Variants in SLIT3 observed in about 807,000 individuals in gnomAD.
SLIT3 encodes slit guidance ligand 3.
In SLIT3, 68 loss-of-function variants were observed where a neutral mutation model predicts 184.0. That is an observed-to-expected ratio of 0.37 (90% confidence interval 0.30 to 0.45). The LOEUF is 0.45. Among genes scored for constraint, SLIT3 ranks in the 20% least tolerant of loss-of-function variants. The pLI is 1.00. For missense variants in SLIT3, 1,707 were observed against 2,026.0 expected, an observed-to-expected ratio of 0.84 and a Z score of 3.02; for synonymous variants, 831 against 828.6, an observed-to-expected ratio of 1.00 and a Z score of -0.05.
At chr5:168,715,182 G>T (rs1326820247) in intron 23 of SLIT3, among the ~76,000 whole-genome samples, 1 of 152,182 alleles carries the variant, frequency 6.6e-6, no homozygotes, top group Non-Finnish European at 1.5e-5. Flanking sequence ...TGTGAGCTGA[G>T]ACAATTGACT....
chr5:169,273,999 C>T (rs1052653443), intron 1 of SLIT3, among the ~76,000 whole-genome samples: 2 of 152,178 alleles, frequency 1.3e-5, no homozygotes, highest in African/African-American at 4.8e-5. Context: ...ACTAGGGGAA[C>T]AACAAAGGCA....
At chr5:168,965,604 A>G (rs958958244) in intron 4 of SLIT3, among the ~76,000 whole-genome samples, 3 of 152,196 alleles carry the variant, frequency 2.0e-5, no homozygotes, top group Non-Finnish European at 4.4e-5. Context: ...TGCTCATCCA[A>G]AATGAACTTC....
At chr5:169,104,996 G>A (rs562330306) in intron 4 of SLIT3, among the ~76,000 whole-genome samples, 2 of 152,140 alleles carry the variant, frequency 1.3e-5, no homozygotes, top group African/African-American at 2.4e-5. Flanking sequence ...CCTCAAGTAC[G>A]ATCACATGTA....
chr5:168,932,347 G>GACACAC (rs375350401), intron 4 of SLIT3, among the ~76,000 whole-genome samples: 3,178 of 131,102 alleles, frequency 0.024, 47 homozygotes, highest in East Asian at 0.056. Context: ...AGGGGAAAAA[G>GACACAC]ACACACACAC....
intron 8 of SLIT3, among the ~76,000 whole-genome samples, chr5:168,811,919 CA>C (rs575465414): frequency 3.3e-5 from 5 of 152,210 alleles, no homozygotes; most frequent in Admixed American, 2.6e-4. Flanking sequence ...CTCCCATGTT[CA>C]TTGCAGCATT....
At chr5:168,920,083 C>T (rs1273542761) in intron 4 of SLIT3, among the ~76,000 whole-genome samples, 1 of 152,116 alleles carries the variant, frequency 6.6e-6, no homozygotes, top group Non-Finnish European at 1.5e-5. Context: ...TCTCTAGCAC[C>T]TTGCATTGCT....
In SLIT3 at chr5:169,016,945, G is replaced by C. The variant is rs113993807; in HGVS notation, c.414-133609C>G. 7.1e-3 allele frequency among the ~76,000 whole-genome samples: 1,078 copies of C among 152,262 alleles called. 17 individuals are homozygous for C. Among genetic ancestry groups the C allele is most frequent in the African/African-American group, 0.024 (994 of 41,548 alleles). ...TAGACTGAGCAACAGACTGATCCCA[G>C]GTCACAGAGCAAGAGTGGGGTTTGA... On this transcript the variant is annotated intron_variant, in intron 4 of 35. Coordinates refer to ENST00000519560, the MANE Select transcript of SLIT3 (RefSeq NM_003062.4).
chr5:169,187,077 C>G (rs1043993956), intron 4 of SLIT3, among the ~76,000 whole-genome samples: 1 of 142,318 alleles, frequency 7.0e-6, no homozygotes, highest in African/African-American at 2.6e-5. Flanking sequence ...AGTCCTCCAT[C>G]TGGCTGTGAG....
intron 4 of SLIT3, among the ~76,000 whole-genome samples, chr5:169,097,530 T>C (rs1204032068): frequency 6.6e-6 from 1 of 152,226 alleles, no homozygotes; most frequent in Non-Finnish European, 1.5e-5. Flanking sequence ...CAAAATTGTA[T>C]TTATCCAATA....
intron 1 of SLIT3, among the ~76,000 whole-genome samples, chr5:169,282,377 G>A (rs547484282): frequency 1.3e-5 from 2 of 152,300 alleles, no homozygotes; most frequent in Middle Eastern, 3.4e-3. Context: ...GCAAGTTGCA[G>A]GGCAGACCTA....
At chr5:169,240,048 A>T (rs1056025429) in intron 3 of SLIT3, among the ~76,000 whole-genome samples, 3 of 152,060 alleles carry the variant, frequency 2.0e-5, no homozygotes, top group African/African-American at 7.2e-5. Flanking sequence ...TTAGAGGTAT[A>T]TTACTGAATC....
chr5:169,280,604 C>T lies in SLIT3; in HGVS notation c.197+19909G>A, dbSNP rs117291049. ...GAGGACACTCTTGCCATTCTGGTGA[C>T]ATGTGGGTTTCCTGGTGAGCAAAAG... On this transcript the variant is annotated intron_variant, in intron 1 of 35. Transcript: ENST00000519560. Among the ~76,000 whole-genome samples, 94 of 152,244 alleles carry T rather than the reference C, an allele frequency of 6.2e-4. 5 individuals are homozygous for T. The East Asian group carries it at 0.017, about 28-fold the overall frequency.
At chr5:168,675,777 A>G (rs1184353843) in intron 32 of SLIT3, among the ~76,000 whole-genome samples, 2 of 152,206 alleles carry the variant, frequency 1.3e-5, no homozygotes, top group African/African-American at 4.8e-5. Context: ...GTGTTAGAAG[A>G]CTAACAAGGA....
At chr5:168,985,479 T>C (rs1432951876) in intron 4 of SLIT3, among the ~76,000 whole-genome samples, 1 of 152,176 alleles carries the variant, frequency 6.6e-6, no homozygotes, top group Non-Finnish European at 1.5e-5. Flanking sequence ...TCATGGTGCA[T>C]GGGAACAACT....
chr5:169,106,510 C>T (rs1301715150), intron 4 of SLIT3, among the ~76,000 whole-genome samples: 1 of 152,116 alleles, frequency 6.6e-6, no homozygotes, highest in Non-Finnish European at 1.5e-5. Context: ...CATTCCAGTG[C>T]CAAAATTGTA....
intron 5 of SLIT3, among the ~76,000 whole-genome samples, chr5:168,877,604 G>T (rs1316342389): frequency 2.6e-5 from 4 of 152,150 alleles, no homozygotes; most frequent in Admixed American, 2.0e-4. Context: ...CCTGCTCACC[G>T]GGGCGGAGAC....
intron 4 of SLIT3, among the ~76,000 whole-genome samples, chr5:169,091,109 A>AT (rs986419000): frequency 2.0e-5 from 3 of 152,364 alleles, no homozygotes; most frequent in African/African-American, 7.2e-5. Context: ...TGACGGGTAT[A>AT]TAATGGATGA....
chr5:169,031,608 T>A (rs773162262), intron 4 of SLIT3, among the ~76,000 whole-genome samples: 1 of 152,180 alleles, frequency 6.6e-6, no homozygotes, highest in South Asian at 2.1e-4. Context: ...ATGCAGCAAG[T>A]GTTTGTCCTG....
At chr5:169,100,241 A>G (rs907667314) in intron 4 of SLIT3, among the ~76,000 whole-genome samples, 1 of 152,190 alleles carries the variant, frequency 6.6e-6, no homozygotes, top group Non-Finnish European at 1.5e-5. Flanking sequence ...TGGGCCCAAG[A>G]AAACAGTGGT....
Sources: allele counts gnomAD v4.1 joint callset (sites outside exome capture counted in the v4.1 genomes callset), GRCh38; gene constraint gnomAD v4.1.1; transcripts MANE v1.5; gene names NCBI Gene and HGNC (gene_info 2026-07-23, HGNC 2026-07-21).